C3orf62: variants seen among roughly 807,000 people sequenced by gnomAD.
C3orf62 encodes chromosome 3 open reading frame 62.
A neutral mutation model predicts 21.7 loss-of-function variants in C3orf62; 16 were observed. The observed-to-expected ratio is 0.74, with a 90% CI of 0.50 to 1.12. The LOEUF (loss-of-function observed/expected upper bound fraction) is 1.12. C3orf62 is among the 50% of genes most tolerant of loss of function. The pLI is 0.00. For missense variants in C3orf62, 310 were observed against 318.8 expected (o/e 0.97, Z 0.21); for synonymous variants, 114 against 117.0 (o/e 0.97, Z 0.17).
rs1054897314 is a variant in C3orf62, at chr3:49,269,869, C to T, written c.*1311G>A. On this transcript the variant is annotated 3_prime_UTR_variant, in exon 3 of 3. Transcript: ENST00000343010. ...ATTTGAGCCCAGAGGAATCACTAGA[C>T]CTGTGGTAAGGGATGTTGCTGGCTA... The T allele has an allele frequency of 6.6e-6, 1 of 152,292 alleles. No individual in the cohort carries two copies. Among genetic ancestry groups the T allele is most frequent in the East Asian group, 1.9e-4 (1 of 5,200 alleles). 9.4% of individuals were successfully genotyped at this position (152,292 alleles called of 1,614,324 possible).
chr3:49,276,080 T>G (rs67831908), intron 1 of C3orf62, among the ~76,000 whole-genome samples: 15,116 of 152,044 alleles, frequency 0.099, 826 homozygotes, highest in Middle Eastern at 0.11. Context: ...ACACAGGAGT[T>G]AAGATGGAAT....
In C3orf62 at chr3:49,275,163, G is replaced by T. The variant is rs530474607; in HGVS notation, c.447-1023C>A. Reference sequence around the variant, plus strand: ...GAGTCTTGCTCTGTTGCCCAGGCTGGAGTGCCATGGCAAGATCTCAGCTCA... The same window carrying T: ...GAGTCTTGCTCTGTTGCCCAGGCTGTAGTGCCATGGCAAGATCTCAGCTCA... On this transcript the variant is annotated intron_variant, in intron 1 of 2. Transcript: ENST00000343010. 1.9e-3 allele frequency among the ~76,000 whole-genome samples: 294 copies of T among 151,934 alleles called. 2 individuals carry two copies. Among genetic ancestry groups the T allele is most frequent in the African/African-American group, 6.7e-3 (279 of 41,408 alleles).
chr3:49,274,119 C>T lies in C3orf62; in HGVS notation c.468G>A (p.Leu156=), dbSNP rs779825501. 2 of 1,613,950 alleles carry T rather than the reference C, an allele frequency of 1.2e-6. No individual in the cohort carries two copies. Among genetic ancestry groups the T allele is most frequent in the African/African-American group, 1.3e-5 (1 of 75,048 alleles). ...TGAGTGGCATGTTTGAGTCAGCCTT[C>T]AAATCTCTCTCCATATCTTTCCTGC... ...ENLRKDMERD[L]KADSNMPLNN... is the part of the protein sequence containing the mutation. Residue 156 remains leucine (L), a synonymous_variant, in exon 2 of 3, where the codon TTG becomes TTA. Transcript: ENST00000343010.
At position 49,270,265 on chromosome 3, in the gene C3orf62, C is replaced by T. The variant is rs1364484811; in HGVS notation, c.*915G>A. On this transcript the variant is annotated 3_prime_UTR_variant, in exon 3 of 3. Transcript: ENST00000343010. Reference sequence around the variant, plus strand: ...AAAAACAATCAAAACAAAAAACAGCCTTTTGCCAGCTCTGCCTCACCCCCA... The same window carrying T: ...AAAAACAATCAAAACAAAAAACAGCTTTTTGCCAGCTCTGCCTCACCCCCA... 6.6e-6 allele frequency: 1 copy of T among 152,214 alleles called. No individual in the cohort carries two copies. The highest frequency in any genetic ancestry group is 1.5e-5 in the Non-Finnish European group (1 of 68,064). The allele number at this position is 152,214 out of a possible 1,614,324, so 9.4% of individuals were successfully genotyped here. A position where few individuals can be genotyped will look rare whatever the true frequency, so the allele number is the denominator to read the frequency against.
At chr3:49,274,491 A>C (rs1477773892) in intron 1 of C3orf62, 1 of 167,278 alleles carries the variant, frequency 6.0e-6, no homozygotes, top group African/African-American at 2.4e-5. Flanking sequence ...CACCTCACCC[A>C]GCCTGCATTT....
chr3:49,275,518 A>AG (rs2046947212), intron 1 of C3orf62, among the ~76,000 whole-genome samples: 1 of 69,798 alleles, frequency 1.4e-5, no homozygotes, highest in Admixed American at 1.8e-4. Context: ...AGAACTTTGA[A>AG]GTTTTTTTTT....
rs1415544201 is a variant in C3orf62, at chr3:49,277,027, A to G, written c.-155T>C. 6.8e-7 allele frequency: 1 copy of G among 1,461,844 alleles called. No homozygotes were observed. Among genetic ancestry groups the G allele is most frequent in the Non-Finnish European group, 9.0e-7 (1 of 1,110,316 alleles). 90.6% of individuals were successfully genotyped at this position (1,461,844 alleles called of 1,614,324 possible). A position where few individuals can be genotyped will look rare whatever the true frequency, so the allele number is the denominator to read the frequency against. On this transcript the variant is annotated 5_prime_UTR_variant, in exon 1 of 3. Coordinates refer to ENST00000343010, the MANE Select transcript of C3orf62 (RefSeq NM_198562.3). ...AGGCGGTTCTCGGCTCTCGCGGAGGAACCCGCCATCTGCCAGAAGCCCCAA... is the reference window on the plus strand; with the variant it reads ...AGGCGGTTCTCGGCTCTCGCGGAGGGACCCGCCATCTGCCAGAAGCCCCAA...
chr3:49,272,534 CTTTTTTTTTTTT>C (rs746086446), intron 2 of C3orf62, among the ~76,000 whole-genome samples: 2 of 51,810 alleles, frequency 3.9e-5, no homozygotes, highest in South Asian at 1.7e-3. Flanking sequence ...TTCTCCTAAT[CTTTTTTTTTTTT>C]TTTTTTTTTT....
rs1277423523 is a variant in C3orf62, at chr3:49,269,968, C to G, written c.*1212G>C. 6.6e-6 allele frequency: 1 copy of G among 152,250 alleles called. No individual in the cohort carries two copies. The highest frequency in any genetic ancestry group is 1.5e-5 in the Non-Finnish European group (1 of 68,056). The allele number at this position is 152,250 out of a possible 1,614,324, so 9.4% of individuals were successfully genotyped here. ...GACAATCACTCAGCTGTTAGTTAGG[C>G]CTTTCTCCCCAACTCTTTGGTTTGT... is the stretch of plus-strand genomic sequence containing the variant. On this transcript the variant is annotated 3_prime_UTR_variant, in exon 3 of 3. Transcript: ENST00000343010.
intron 1 of C3orf62, chr3:49,274,476 TG>T (rs2046936326): frequency 5.5e-6 from 1 of 180,812 alleles, no homozygotes; most frequent in African/African-American, 2.4e-5. Context: ...AATACGGGCA[TG>T]AGCCACCTCA....
Position 49,277,124 on chromosome 3 carries a change from A to G in C3orf62, c.-252T>C. 6.8e-7 allele frequency: 1 copy of G among 1,467,874 alleles called. No homozygotes were observed. The highest frequency in any genetic ancestry group is 2.1e-5 in the Admixed American group (1 of 48,546). The allele number at this position is 1,467,874 out of a possible 1,614,324, so 90.9% of individuals were successfully genotyped here. ...TGCCTCCCGCCCCACCGCGGCTCCC[A>G]GGCCGCTGGCCCTACCGGCACCCCC... On this transcript the variant is annotated 5_prime_UTR_variant, in exon 1 of 3. Transcript: ENST00000343010.
Position 49,271,366 on chromosome 3 carries a change from A to G in C3orf62, c.618T>C (p.His206=), listed in dbSNP as rs761093400. Residue 206 remains histidine (H), a synonymous_variant, in exon 3 of 3, where the codon CAT becomes CAC. Coordinates refer to ENST00000343010, the MANE Select transcript of C3orf62 (RefSeq NM_198562.3). ...FENELNHMCG[H]CQDSPFKEEA... is the part of the protein sequence containing the mutation. ...CCTCTTTGAAGGGTGAATCTTGGCA[A>G]TGACCACACATGTGGTTCAATTCGT... 17 of 1,614,098 alleles carry G rather than the reference A, an allele frequency of 1.1e-5. No individual in the cohort carries two copies. The highest frequency in any genetic ancestry group is 2.2e-5 in the East Asian group (1 of 44,904).
chr3:49,269,334 G>A lies in C3orf62; in HGVS notation c.*1846C>T, dbSNP rs2046899949. On this transcript the variant is annotated 3_prime_UTR_variant, in exon 3 of 3. Transcript: ENST00000343010. ...AAGTCTAGTTCACCTTCAAAGGGTG[G>A]TAATGAGGTGGGAATATGGGGGTAA... The A allele has an allele frequency of 6.6e-6, 1 of 152,154 alleles. No homozygotes were observed. The highest frequency in any genetic ancestry group is 1.5e-5 in the Non-Finnish European group (1 of 68,040). 9.4% of individuals were successfully genotyped at this position (152,154 alleles called of 1,614,324 possible).
chr3:49,276,017 T>A (rs565483707), intron 1 of C3orf62, among the ~76,000 whole-genome samples: 10 of 152,102 alleles, frequency 6.6e-5, no homozygotes, highest in East Asian at 3.9e-4. Flanking sequence ...CAATTAAGCC[T>A]CTCCCTAATG....
rs933105716 is a variant in C3orf62 at position 49,271,875 on chromosome 3, G to T, written c.539-430C>A. On this transcript the variant is annotated intron_variant, in intron 2 of 2. Transcript: ENST00000343010. The stretch of plus-strand genomic sequence containing the variant: ...AATAATAACTTGCGCCCAGGAGTTT[G>T]AGACCAGCCTGGGCAACAGAGTGAG... Among the ~76,000 whole-genome samples the T allele has an allele frequency of 7.1e-5, 10 of 141,556 alleles. No individual in the cohort carries two copies. The East Asian group carries it at 1.9e-3, about 27-fold the overall frequency. The allele number at this position is 141,556 out of a possible 152,430, so 92.9% of individuals were successfully genotyped here.
In C3orf62 at chr3:49,276,879, T is replaced by C. The variant is rs751999763; in HGVS notation, c.-7A>G. 1 of 1,606,332 alleles carries C rather than the reference T, an allele frequency of 6.2e-7. No homozygotes were observed. Among genetic ancestry groups the C allele is most frequent in the South Asian group, 1.1e-5 (1 of 90,294 alleles). On this transcript the variant is annotated 5_prime_UTR_variant, in exon 1 of 3. Transcript: ENST00000343010. The stretch of plus-strand genomic sequence containing the variant: ...ATGTCTTTATGTAATGCATTGGAAA[T>C]GCACAGGACAACACAATAATGTTAC...
At position 49,276,446 on chromosome 3, in the gene C3orf62, A is replaced by G. The variant is rs1374397342; in HGVS notation, c.427T>C (p.Trp143Arg). 1.2e-6 allele frequency: 2 copies of G among 1,607,082 alleles called. No homozygotes were observed. Among genetic ancestry groups the G allele is most frequent in the East Asian group, 2.2e-5 (1 of 44,728 alleles). The change falls in exon 1 of 3, where the codon TGG (tryptophan) becomes CGG (arginine). Residue 143 changes from tryptophan to arginine, a missense_variant. Transcript: ENST00000343010. ...SWRTAGEGENWRKENLRKDME... is the reference protein window; with the variant it reads ...SWRTAGEGENRRKENLRKDME... ...AATCACCTTAAATTTTCTTTTCTCCAGTTTTCCCCCTCTCCTGCAGTTCTC... is the reference window on the plus strand; with the variant it reads ...AATCACCTTAAATTTTCTTTTCTCCGGTTTTCCCCCTCTCCTGCAGTTCTC...
Position 49,276,984 on chromosome 3 carries a change from GGGCTTT to G in C3orf62, c.-118_-113del, listed in dbSNP as rs2046968084. 2.0e-6 allele frequency: 3 copies of G among 1,481,232 alleles called. No individual in the cohort carries two copies. The highest frequency in any genetic ancestry group is 2.7e-6 in the Non-Finnish European group (3 of 1,119,370). 91.8% of individuals were successfully genotyped at this position (1,481,232 alleles called of 1,614,324 possible). A position where few individuals can be genotyped will look rare whatever the true frequency, so the allele number is the denominator to read the frequency against. ...GGCTATAGCAGGACCCACAACCCTC[GGGCTTT>G]CCTCCTGGAGTAGGCGGTTCTCGGC... On this transcript the variant is annotated 5_prime_UTR_variant, in exon 1 of 3. Transcript: ENST00000343010.
chr3:49,276,101 G>A (rs184452927), intron 1 of C3orf62, among the ~76,000 whole-genome samples: 3 of 152,250 alleles, frequency 2.0e-5, no homozygotes, highest in Admixed American at 2.0e-4. Context: ...TAAGACTTTT[G>A]TTTCTGCAAC....
Sources: allele counts gnomAD v4.1 joint callset (sites outside exome capture counted in the v4.1 genomes callset), GRCh38; gene constraint gnomAD v4.1.1; transcripts MANE v1.5; gene names NCBI Gene and HGNC (gene_info 2026-07-23, HGNC 2026-07-21).